Variants in SORCS3 observed in about 807,000 individuals in gnomAD.
The protein encoded by SORCS3 is VPS10 domain-containing receptor SorCS3.
Under a neutral mutation model 146.3 loss-of-function variants are expected in SORCS3, and 57 were observed. The observed-to-expected ratio is 0.39, with a 90% CI of 0.31 to 0.49. The LOEUF (loss-of-function observed/expected upper bound fraction) is 0.49, where lower values mean the gene tolerates loss of function less well. SORCS3 is among the 20% of genes least tolerant of loss of function. The probability of loss-of-function intolerance (pLI) is 0.92; values close to 1 mark genes in which losing one functional copy is unlikely to be tolerated. For synonymous variants in SORCS3, 653 were observed against 618.5 expected (o/e 1.06, Z -0.83); for missense variants, 1,341 against 1,575.5 (o/e 0.85, Z 2.52).
intron 1 of SORCS3, among the ~76,000 whole-genome samples, chr10:104,707,506 TA>T (rs1475003591): frequency 6.6e-6 from 1 of 152,102 alleles, no homozygotes; most frequent in East Asian, 1.9e-4. Context: ...TAGTTCCAGG[TA>T]CTTTGGGGCT....
chr10:105,120,591 C>T (rs1482989956), intron 7 of SORCS3, among the ~76,000 whole-genome samples: 1 of 152,098 alleles, frequency 6.6e-6, no homozygotes, highest in African/African-American at 2.4e-5. Context: ...GTGCATGCCC[C>T]TTATAAATTA....
intron 1 of SORCS3, among the ~76,000 whole-genome samples, chr10:104,823,588 A>G (rs1002299374): frequency 6.6e-6 from 1 of 151,994 alleles, no homozygotes; most frequent in African/African-American, 2.4e-5. Flanking sequence ...TCCACCCTTC[A>G]TACTCCTGGC....
At chr10:105,041,001 G>T (rs1373441311) in intron 4 of SORCS3, among the ~76,000 whole-genome samples, 12 of 146,056 alleles carry the variant, frequency 8.2e-5, no homozygotes, top group African/African-American at 3.0e-4. Flanking sequence ...ATATATATTT[G>T]TATATATATT....
At position 104,696,057 on chromosome 10, in the gene SORCS3, CATATTAT is replaced by C. The variant is rs1456717767; in HGVS notation, c.627+54108_627+54114del. Among the ~76,000 whole-genome samples the C allele has an allele frequency of 7.6e-4, 94 of 123,074 alleles. 1 individual carries two copies. Among genetic ancestry groups the C allele is most frequent in the Non-Finnish European group, 1.2e-3 (76 of 61,958 alleles). The allele number at this position is 123,074 out of a possible 152,430, so 80.7% of individuals were successfully genotyped here. ...TAATATATAATATATATCATATACACATATTATATATAATATATATCATATACACATA... is the reference window on the plus strand; with the variant it reads ...TAATATATAATATATATCATATACACATATAATATATATCATATACACATA... On this transcript the variant is annotated intron_variant, in intron 1 of 26. Transcript: ENST00000369701.
At chr10:105,037,469 G>A (rs1433311791) in intron 4 of SORCS3, among the ~76,000 whole-genome samples, 1 of 152,116 alleles carries the variant, frequency 6.6e-6, no homozygotes, top group Non-Finnish European at 1.5e-5. Context: ...AGCATTTAGG[G>A]GAAACCTTCC....
intron 15 of SORCS3, among the ~76,000 whole-genome samples, chr10:105,200,799 G>GCAAATGTA (rs2056569994): frequency 6.6e-6 from 1 of 152,162 alleles, no homozygotes; most frequent in Non-Finnish European, 1.5e-5. Flanking sequence ...AGCCATTTGG[G>GCAAATGTA]CAAATGTACC....
At chr10:105,254,906 C>T (rs907498712) in intron 23 of SORCS3, among the ~76,000 whole-genome samples, 5 of 152,098 alleles carry the variant, frequency 3.3e-5, no homozygotes, top group African/African-American at 1.2e-4. Context: ...AGTGGATCTG[C>T]GGCCAGGCGC....
chr10:104,687,111 A>G (rs1345171658), intron 1 of SORCS3, among the ~76,000 whole-genome samples: 1 of 151,996 alleles, frequency 6.6e-6, no homozygotes, highest in Non-Finnish European at 1.5e-5. Context: ...CTTTCCATCC[A>G]TTTATCCACC....
chr10:105,219,021 A>AT (rs2056682191), intron 19 of SORCS3, among the ~76,000 whole-genome samples: 3 of 151,954 alleles, frequency 2.0e-5, no homozygotes, highest in Non-Finnish European at 2.9e-5. Context: ...TCTCAAAAAA[A>AT]AATATATATA....
At chr10:104,789,776 G>T (rs1006142966) in intron 1 of SORCS3, among the ~76,000 whole-genome samples, 12 of 152,196 alleles carry the variant, frequency 7.9e-5, no homozygotes, top group Admixed American at 2.6e-4. Flanking sequence ...GATGGGCTCT[G>T]TCTGTCCTAC....
intron 2 of SORCS3, among the ~76,000 whole-genome samples, chr10:104,863,942 A>G (rs1366553967): frequency 1.3e-5 from 2 of 152,210 alleles, no homozygotes; most frequent in African/African-American, 4.8e-5. Flanking sequence ...CAGTTGCCAG[A>G]TTGCCTATCA....
At chr10:104,789,051 G>A (rs960334284) in intron 1 of SORCS3, among the ~76,000 whole-genome samples, 1 of 152,160 alleles carries the variant, frequency 6.6e-6, no homozygotes, top group African/African-American at 2.4e-5. Context: ...CAGGGTGAGG[G>A]GGGCAGGAGT....
At chr10:104,939,785 C>G (rs1003317628) in intron 3 of SORCS3, among the ~76,000 whole-genome samples, 8 of 152,160 alleles carry the variant, frequency 5.3e-5, no homozygotes, top group African/African-American at 1.7e-4. Flanking sequence ...CCACAACACT[C>G]GGGTGGGTAA....
At chr10:104,969,158 C>A (rs1255163197) in intron 3 of SORCS3, among the ~76,000 whole-genome samples, 3 of 152,104 alleles carry the variant, frequency 2.0e-5, no homozygotes, top group Admixed American at 6.6e-5. Context: ...TGGCCTCCTC[C>A]TTTTTTATTT....
At chr10:104,976,733 A>C (rs2054899770) in intron 3 of SORCS3, among the ~76,000 whole-genome samples, 1 of 152,260 alleles carries the variant, frequency 6.6e-6, no homozygotes, top group Non-Finnish European at 1.5e-5. Flanking sequence ...TGCAGCCAGA[A>C]AAATGATGAG....
chr10:104,721,699 T>A (rs2016551747), intron 1 of SORCS3, among the ~76,000 whole-genome samples: 1 of 152,152 alleles, frequency 6.6e-6, no homozygotes, highest in Admixed American at 6.5e-5. Flanking sequence ...TCACGTCCCT[T>A]ATAAGTTGGA....
chr10:104,719,767 G>A (rs569428970), intron 1 of SORCS3, among the ~76,000 whole-genome samples: 8 of 152,226 alleles, frequency 5.3e-5, no homozygotes, highest in East Asian at 3.9e-4. Context: ...TTCATGTGAC[G>A]GTAATTTCTT....
chr10:105,061,268 G>A (rs2055484308), intron 5 of SORCS3, among the ~76,000 whole-genome samples: 1 of 150,252 alleles, frequency 6.7e-6, no homozygotes, highest in Non-Finnish European at 1.5e-5. Context: ...GTGAGGTAGG[G>A]TGGGAGAGAT....
chr10:104,764,995 C>T (rs1455156916), intron 1 of SORCS3, among the ~76,000 whole-genome samples: 1 of 152,182 alleles, frequency 6.6e-6, no homozygotes, highest in Admixed American at 6.5e-5. Flanking sequence ...TGTCTGCCAT[C>T]ACAGAGGTCA....
Sources: gnomAD v4.1 joint callset for allele counts (sites outside exome capture counted in the v4.1 genomes callset) on GRCh38, gnomAD v4.1.1 for gene constraint, MANE v1.5 for transcripts, NCBI Gene and HGNC (gene_info 2026-07-23, HGNC 2026-07-21) for gene names.